The following TCIRG1 variants were observed in gnomAD, a reference collection of about 807,000 sequenced individuals.
The protein encoded by TCIRG1 is T cell immune regulator 1, ATPase H+ transporting V0 subunit a3.
A neutral mutation model predicts 95.5 loss-of-function variants in TCIRG1; 86 were observed. The ratio of observed to expected loss-of-function variants is 0.90; its 90% CI spans 0.76 to 1.08. The LOEUF (loss-of-function observed/expected upper bound fraction) is 1.08, where lower values mean the gene tolerates loss of function less well. TCIRG1 is among the 50% of genes least tolerant of loss of function. The pLI, the probability that TCIRG1 is intolerant of heterozygous loss-of-function variation, is 0.00. For missense variants in TCIRG1, 1,069 were observed against 1,140.2 expected, an observed-to-expected ratio of 0.94 and a Z score of 0.90; for synonymous variants, 499 against 501.3, an observed-to-expected ratio of 1.00 and a Z score of 0.06.
chr11:68,051,514 C>T (rs1855795242), downstream of TCIRG1, among the ~76,000 whole-genome samples: 1 of 152,224 alleles, frequency 6.6e-6, no homozygotes, highest in South Asian at 2.1e-4. Context: ...CTGGGTCCCA[C>T]CCCCACTGGG....
Position 68,049,000 on chromosome 11 carries a change from G to A in TCIRG1, c.1673+3G>A, listed in dbSNP as rs987797479. On this transcript the variant is annotated splice_donor_region_variant and intron_variant, in intron 14 of 19. Transcript: ENST00000265686. Reference sequence around the variant, plus strand: ...GTCCTCGGAGTCTTCAACCACGTGTGAGGGCCAAGGCTGCCCGGGGGACGG... The same window carrying A: ...GTCCTCGGAGTCTTCAACCACGTGTAAGGGCCAAGGCTGCCCGGGGGACGG... The A allele has an allele frequency of 3.1e-6, 5 of 1,613,540 alleles. No homozygotes were observed. Among genetic ancestry groups the A allele is most frequent in the South Asian group, 1.1e-5 (1 of 91,086 alleles).
At chr11:68,052,964 A>G (rs1473058971), downstream of TCIRG1, 1 of 152,626 alleles carries the variant, frequency 6.6e-6, no homozygotes, top group African/African-American at 2.4e-5. Context: ...AAGTCAGCTA[A>G]GACTGTATCC....
At position 68,041,359 on chromosome 11, in the gene TCIRG1, G is replaced by C; in HGVS notation, c.88G>C (p.Gly30Arg). ...AAAYTCVSRLGELGLVEFRDL... is the reference protein window; with the variant it reads ...AAAYTCVSRLRELGLVEFRDL... Reference sequence around the variant, plus strand: ...TGCCTACACCTGCGTGAGTCGGCTGGGCGAGCTGGGCCTCGTGGAGTTCAG... The same window carrying C: ...TGCCTACACCTGCGTGAGTCGGCTGCGCGAGCTGGGCCTCGTGGAGTTCAG... Residue 30 changes from glycine (G) to arginine (R), a missense_variant, in exon 2 of 20, where the codon GGC becomes CGC. Transcript: ENST00000265686. 1 of 1,613,010 alleles carries C rather than the reference G, an allele frequency of 6.2e-7. No homozygotes were observed. The highest frequency in any genetic ancestry group is 8.5e-7 in the Non-Finnish European group (1 of 1,179,800).
At chr11:68,039,663 A>T (rs1325005504) in intron 1 of TCIRG1, 1 of 32,374 alleles carries the variant, frequency 3.1e-5, no homozygotes, top group Admixed American at 3.7e-4. Context: ...TACACCATAA[A>T]AGTGGCTGGG....
chr11:68,046,867 G>T, intron 10 of TCIRG1: 1 of 456,300 alleles, frequency 2.2e-6, no homozygotes, highest in Non-Finnish European at 4.4e-6. Flanking sequence ...ACTTCCTGTG[G>T]CTCCAGCAGC....
intron 18 of TCIRG1, 109 bp downstream of exon 18, chr11:68,050,363 G>C (rs1855740392): frequency 1.2e-6 from 2 of 1,601,682 alleles, no homozygotes; most frequent in South Asian, 2.2e-5. Context: ...TCTGTAAAGT[G>C]GGACTGTCCA....
At position 68,047,492 on chromosome 11, in the gene TCIRG1, C is replaced by T; in HGVS notation, c.1225C>T (p.His409Tyr). 2 of 1,614,088 alleles carry T rather than the reference C, an allele frequency of 1.2e-6. No individual in the cohort carries two copies. The highest frequency in any genetic ancestry group is 1.7e-6 in the Non-Finnish European group (2 of 1,180,022). Residue 409 changes from histidine to tyrosine, a missense_variant, in exon 11 of 20, where the codon CAC becomes TAC. By Grantham distance (83) the His-to-Tyr change is moderately conservative. Transcript: ENST00000265686. ...LFAVMFGDVG[H>Y]GLLMFLFALA... ...TGCTGTGATGTTCGGGGATGTGGGC[C>T]ACGGGCTGCTCATGTTCCTGTTCGC...
chr11:68,051,179 T>C (rs562377298), downstream of TCIRG1, among the ~76,000 whole-genome samples: 1 of 152,326 alleles, frequency 6.6e-6, no homozygotes, highest in East Asian at 1.9e-4. Flanking sequence ...GGTTACTCTC[T>C]GTTGGGAGTG....
Position 68,047,867 on chromosome 11 carries a change from C to G in TCIRG1, c.1464-15C>G, listed in dbSNP as rs564284005. The G allele has an allele frequency of 1.3e-4, 206 of 1,613,294 alleles. 2 individuals are homozygous for G. In the South Asian group the frequency reaches 2.0e-3, roughly 16 times the overall value. On this transcript the variant is annotated splice_polypyrimidine_tract_variant and intron_variant, in intron 12 of 19. Transcript: ENST00000265686. ...GCACCCGCAGCCCTGACCGCCCTCC[C>G]CTGCGTTGCCGCAGTGATGCATTCC...
downstream of TCIRG1, chr11:68,051,054 G>T (rs1291991054): frequency 1.7e-6 from 1 of 594,224 alleles, no homozygotes; most frequent in Non-Finnish European, 3.0e-6. Flanking sequence ...AAGGGCCAAG[G>T]AGAGATGTTT....
At chr11:68,043,296 G>T (rs1236791694) in intron 5 of TCIRG1, 75 bp from the exon 6 acceptor site, 2 of 1,518,042 alleles carry the variant, frequency 1.3e-6, no homozygotes, top group Non-Finnish European at 1.8e-6. Flanking sequence ...GCTGGGCAGG[G>T]TCCTGCCCGG....
downstream of TCIRG1, among the ~76,000 whole-genome samples, chr11:68,051,553 A>G (rs1029037596): frequency 6.6e-6 from 1 of 152,194 alleles, no homozygotes; most frequent in African/African-American, 2.4e-5. Context: ...CCAGAAGCCA[A>G]CAAGCTGCAA....
At chr11:68,040,855 C>T (rs753470424) in intron 1 of TCIRG1, among the ~76,000 whole-genome samples, 4 of 152,106 alleles carry the variant, frequency 2.6e-5, no homozygotes, top group Non-Finnish European at 5.9e-5. Flanking sequence ...CAGGGAGCAG[C>T]GAGGGCTCCA....
intron 1 of TCIRG1, among the ~76,000 whole-genome samples, chr11:68,040,431 C>T (rs1464754325): frequency 1.3e-5 from 2 of 152,242 alleles, no homozygotes; most frequent in African/African-American, 4.8e-5. Context: ...GGCTGCGTTT[C>T]CCTGTTTAGA....
chr11:68,041,395 T>G lies in TCIRG1; in HGVS notation c.117+7T>G, dbSNP rs1855153619. 8.7e-6 allele frequency: 14 copies of G among 1,600,234 alleles called. No homozygotes were observed. The highest frequency in any genetic ancestry group is 1.2e-5 in the Non-Finnish European group (14 of 1,169,190). Reference sequence around the variant, plus strand: ...CCTCGTGGAGTTCAGAGACGTGAGTTGGGTGGGCAGGCGTGGGAAGGGGGC... The same window carrying G: ...CCTCGTGGAGTTCAGAGACGTGAGTGGGGTGGGCAGGCGTGGGAAGGGGGC... On this transcript the variant is annotated splice_region_variant and intron_variant, in intron 2 of 19. Coordinates refer to ENST00000265686, the MANE Select transcript of TCIRG1 (RefSeq NM_006019.4).
At chr11:68,043,759 C>T (rs1174476087) in intron 7 of TCIRG1, 55 bp from the exon 8 acceptor site, 2 of 1,542,656 alleles carry the variant, frequency 1.3e-6, no homozygotes, top group African/African-American at 2.7e-5. Context: ...CCTTCAGACT[C>T]AGAGTCTCGT....
rs553181560 is a variant in TCIRG1, at chr11:68,048,980, C to T, written c.1656C>T (p.Leu552=). The change falls in exon 14 of 20, where the codon CTC becomes CTT. Residue 552 remains leucine, a synonymous_variant. Transcript: ENST00000265686. ...GVVHMAFGVV[L]GVFNHVHFGQ... is the part of the protein sequence containing the mutation. ...TGCACATGGCCTTTGGGGTGGTCCT[C>T]GGAGTCTTCAACCACGTGTGAGGGC... 2.8e-5 allele frequency: 45 copies of T among 1,613,684 alleles called. No homozygotes were observed. Among genetic ancestry groups the T allele is most frequent in the East Asian group, 4.5e-5 (2 of 44,888 alleles).
rs771361774 is a variant in TCIRG1, at chr11:68,049,288, C to T, written c.1881C>T (p.Pro627=). The T allele has an allele frequency of 6.2e-7, 1 of 1,607,754 alleles. No homozygotes were observed. Among genetic ancestry groups the T allele is most frequent in the Non-Finnish European group, 8.5e-7 (1 of 1,176,554 alleles). Residue 627 remains proline (P), a synonymous_variant, in exon 15 of 20, where the codon CCC becomes CCT. Transcript: ENST00000265686. ...GCCCCAGCAACAGGCTGCTCTACCC[C>T]CGGCAGGTGGGCTGCGGCTGGTGGG... ...SHSPSNRLLY[P]RQEVVQATLV...
At chr11:68,053,714 G>T (rs1051398161), downstream of TCIRG1, 2 of 354,282 alleles carry the variant, frequency 5.6e-6, no homozygotes. Context: ...AATATGAAAT[G>T]CCTTCTCTAG....
Sources: gnomAD v4.1 joint callset for allele counts (sites outside exome capture counted in the v4.1 genomes callset) on GRCh38, gnomAD v4.1.1 for gene constraint, MANE v1.5 for transcripts, NCBI Gene and HGNC (gene_info 2026-07-23, HGNC 2026-07-21) for gene names.